The following MBD5 variants were observed in gnomAD, a reference collection of about 807,000 sequenced individuals.
MBD5 encodes methyl-CpG-binding domain protein 5.
In MBD5, 13 loss-of-function variants were observed where a neutral mutation model predicts 117.3. That is an observed-to-expected ratio of 0.11 (90% CI 0.07 to 0.18). MBD5 has a LOEUF of 0.18. Ranked by LOEUF, MBD5 falls within the 10% of genes least tolerant of loss-of-function variation. The probability of loss-of-function intolerance (pLI) is 1.00; values close to 1 mark genes in which losing one functional copy is unlikely to be tolerated. For synonymous variants in MBD5, 727 were observed against 766.4 expected (o/e 0.95, Z 0.85); for missense variants, 1,879 against 2,093.8 (o/e 0.90, Z 2.00).
At chr2:148,289,658 A>G (rs1701451896) in intron 3 of MBD5, among the ~76,000 whole-genome samples, 1 of 152,232 alleles carries the variant, frequency 6.6e-6, no homozygotes, top group Non-Finnish European at 1.5e-5. Flanking sequence ...CTAAATTTGG[A>G]AACAACCTAA....
rs543247609 is a variant in MBD5, at chr2:148,043,280, T to A, written c.-925+21596T>A. 7.2e-3 allele frequency among the ~76,000 whole-genome samples: 1,063 copies of A among 147,348 alleles called. 10 individuals carry two copies. The highest frequency in any genetic ancestry group is 0.024 in the African/African-American group (962 of 39,908). ...CTCTACTAAAAATACAAAAAAAAAA[T>A]AAAAAAATAAATAAATAAATAAATT... is the stretch of plus-strand genomic sequence containing the variant. On this transcript the variant is annotated intron_variant, in intron 1 of 13. Coordinates refer to ENST00000642680, the MANE Select transcript of MBD5 (RefSeq NM_001378120.1).
At chr2:148,285,741 T>C (rs955944911) in intron 3 of MBD5, among the ~76,000 whole-genome samples, 1 of 152,206 alleles carries the variant, frequency 6.6e-6, no homozygotes, top group Admixed American at 6.5e-5. Flanking sequence ...TTTTTTTAAA[T>C]AGAGGCAAGC....
chr2:148,425,441 A>T (rs994806649), intron 4 of MBD5, among the ~76,000 whole-genome samples: 3 of 152,216 alleles, frequency 2.0e-5, no homozygotes, highest in Non-Finnish European at 4.4e-5. Flanking sequence ...GTTCACAGCC[A>T]AATTCTACCA....
At chr2:148,463,513 G>A (rs575701808) in intron 6 of MBD5, among the ~76,000 whole-genome samples, 1 of 152,026 alleles carries the variant, frequency 6.6e-6, no homozygotes, top group Non-Finnish European at 1.5e-5. Flanking sequence ...TATTTATCTT[G>A]GCTGTCTTAG....
rs578119362 is a variant in MBD5, at chr2:148,111,395, C to T, written c.-924-67305C>T. Among the ~76,000 whole-genome samples the T allele has an allele frequency of 2.6e-5, 4 of 152,126 alleles. No homozygotes were observed. In the East Asian group the frequency reaches 7.7e-4, roughly 29 times the overall value. ...GAGGAACAGTCTGCAAAACTACTGA[C>T]CTGCACTCTTCCAAAATGTTAGTGA... On this transcript the variant is annotated intron_variant, in intron 1 of 13. Transcript: ENST00000642680.
intron 11 of MBD5, among the ~76,000 whole-genome samples, chr2:148,494,985 A>T (rs575529548): frequency 3.3e-5 from 5 of 152,082 alleles, no homozygotes; most frequent in East Asian, 3.9e-4. Flanking sequence ...TAAAATAAAT[A>T]AAAAAAATTG....
intron 4 of MBD5, among the ~76,000 whole-genome samples, chr2:148,365,238 T>C (rs1703661261): frequency 1.3e-5 from 2 of 152,196 alleles, no homozygotes; most frequent in African/African-American, 2.4e-5. Context: ...CCTGAATAAC[T>C]ACTGGGTTAA....
intron 11 of MBD5, among the ~76,000 whole-genome samples, chr2:148,497,802 A>AC (rs1385133211): frequency 6.6e-6 from 1 of 151,962 alleles, no homozygotes; most frequent in East Asian, 1.9e-4. Flanking sequence ...AAAAAAAAAA[A>AC]ACTAAAAAAG....
intron 3 of MBD5, among the ~76,000 whole-genome samples, chr2:148,336,421 C>T (rs970980558): frequency 5.3e-5 from 8 of 152,180 alleles, no homozygotes; most frequent in African/African-American, 1.9e-4. Context: ...GGATATGGCT[C>T]TGTTGCCCAC....
chr2:148,179,054 G>A (rs1037988200), intron 2 of MBD5, among the ~76,000 whole-genome samples: 1 of 152,026 alleles, frequency 6.6e-6, no homozygotes, highest in African/African-American at 2.4e-5. Context: ...TAAGAATAAA[G>A]AATAAAAAAG....
At position 148,328,067 on chromosome 2, in the gene MBD5, C is replaced by G. The variant is rs548523762; in HGVS notation, c.-679-14147C>G. 2.9e-4 allele frequency among the ~76,000 whole-genome samples: 44 copies of G among 152,232 alleles called. No homozygotes were observed. In the East Asian group the frequency reaches 7.0e-3, roughly 24 times the overall value. On this transcript the variant is annotated intron_variant, in intron 3 of 13. Coordinates refer to ENST00000642680, the MANE Select transcript of MBD5 (RefSeq NM_001378120.1). Reference sequence around the variant, plus strand: ...TTAGTTTCCCTTCTAACAGACAGGACCCTCAGCTGCAGGTCTGTTGGAGTA... The same window carrying G: ...TTAGTTTCCCTTCTAACAGACAGGAGCCTCAGCTGCAGGTCTGTTGGAGTA...
chr2:148,206,185 C>T lies in MBD5; in HGVS notation c.-830-27060C>T, dbSNP rs753386966. 2.0e-3 allele frequency among the ~76,000 whole-genome samples: 299 copies of T among 150,962 alleles called. 1 individual carries two copies. Among genetic ancestry groups the T allele is most frequent in the Non-Finnish European group, 9.4e-4 (64 of 67,828 alleles). On this transcript the variant is annotated intron_variant, in intron 2 of 13. Transcript: ENST00000642680. ...TATATGTAGACATATATATTATATA[C>T]ACACGCATATATATGTATACAGAGA...
intron 8 of MBD5, among the ~76,000 whole-genome samples, chr2:148,475,615 T>C (rs987453277): frequency 3.9e-5 from 6 of 152,112 alleles, no homozygotes; most frequent in African/African-American, 1.2e-4. Context: ...ATTGGGAGAA[T>C]TTTATTCCAT....
chr2:148,209,860 C>T (rs1699377579), intron 2 of MBD5, among the ~76,000 whole-genome samples: 1 of 152,102 alleles, frequency 6.6e-6, no homozygotes, highest in African/African-American at 2.4e-5. Context: ...CACTTGTCAC[C>T]AGGGGATGGC....
At chr2:148,403,283 G>A (rs1300119285) in intron 4 of MBD5, among the ~76,000 whole-genome samples, 10 of 151,692 alleles carry the variant, frequency 6.6e-5, no homozygotes, top group African/African-American at 9.7e-5. Context: ...AGGTTCAAGC[G>A]ATTCTTGTGC....
At chr2:148,473,652 CA>C (rs1032511357) in intron 8 of MBD5, among the ~76,000 whole-genome samples, 1 of 152,012 alleles carries the variant, frequency 6.6e-6, no homozygotes, top group African/African-American at 2.4e-5. Context: ...CAAAACAATC[CA>C]AATATTGATT....
intron 4 of MBD5, among the ~76,000 whole-genome samples, chr2:148,361,753 C>T (rs972664749): frequency 4.6e-5 from 7 of 152,044 alleles, no homozygotes; most frequent in African/African-American, 7.2e-5. Flanking sequence ...GGAACAGCTC[C>T]GGTCTGCAGC....
chr2:148,069,430 G>A (rs965497862), intron 1 of MBD5, among the ~76,000 whole-genome samples: 3 of 149,988 alleles, frequency 2.0e-5, no homozygotes, highest in Non-Finnish European at 3.0e-5. Flanking sequence ...GGCATTCATA[G>A]TTTTTTTTTA....
intron 3 of MBD5, among the ~76,000 whole-genome samples, chr2:148,339,559 T>C (rs1039318455): frequency 6.6e-6 from 1 of 152,138 alleles, no homozygotes. Context: ...GAACACATCA[T>C]GCCTCCAGAT....
Sources: gnomAD v4.1 joint callset for allele counts (sites outside exome capture counted in the v4.1 genomes callset) on GRCh38, gnomAD v4.1.1 for gene constraint, MANE v1.5 for transcripts, NCBI Gene and HGNC (gene_info 2026-07-23, HGNC 2026-07-21) for gene names.